TAF3: variants seen among roughly 807,000 people sequenced by gnomAD.
TAF3 encodes TATA-box binding protein associated factor 3, also known as transcription initiation factor TFIID subunit 3.
TAF3 carries 7 observed loss-of-function variants against 80.6 expected under a neutral mutation model. The ratio of observed to expected loss-of-function variants is 0.09; its 90% CI spans 0.05 to 0.16. The LOEUF (loss-of-function observed/expected upper bound fraction) is 0.16. Among genes scored for constraint, TAF3 ranks in the 10% least tolerant of loss-of-function variants. The probability of loss-of-function intolerance (pLI) is 1.00; values close to 1 mark genes in which losing one functional copy is unlikely to be tolerated. For missense variants in TAF3, 921 were observed against 1,140.2 expected (o/e 0.81, Z 2.77); for synonymous variants, 444 against 446.1 (o/e 1.00, Z 0.06).
intron 2 of TAF3, among the ~76,000 whole-genome samples, chr10:7,861,387 T>G (rs1382734626): frequency 6.6e-6 from 1 of 152,104 alleles, no homozygotes; most frequent in Non-Finnish European, 1.5e-5. Flanking sequence ...ATTACAAGCA[T>G]GAGCCACCGC....
intron 3 of TAF3, among the ~76,000 whole-genome samples, chr10:7,972,331 A>T (rs146177742): frequency 6.6e-6 from 1 of 152,224 alleles, no homozygotes; most frequent in Non-Finnish European, 1.5e-5. Context: ...TATGTATATT[A>T]TTAGCATCCT....
At chr10:7,837,620 G>A (rs553714049) in intron 2 of TAF3, among the ~76,000 whole-genome samples, 92 of 152,298 alleles carry the variant, frequency 6.0e-4, no homozygotes, top group African/African-American at 2.0e-3. Context: ...TCCAGCCTGG[G>A]CAAAAGAGCA....
At chr10:7,967,053 C>T (rs1477011771) in intron 3 of TAF3, among the ~76,000 whole-genome samples, 1 of 152,198 alleles carries the variant, frequency 6.6e-6, no homozygotes, top group Admixed American at 6.5e-5. Context: ...ACACCTGTGA[C>T]ATAGGTCCAG....
chr10:7,943,147 C>G (rs767649557), intron 2 of TAF3, among the ~76,000 whole-genome samples: 5 of 152,168 alleles, frequency 3.3e-5, no homozygotes, highest in Non-Finnish European at 5.9e-5. Flanking sequence ...CCTGTAGCTC[C>G]GTGAGACTCT....
chr10:7,928,194 C>G (rs1487246543), intron 2 of TAF3, among the ~76,000 whole-genome samples: 1 of 152,072 alleles, frequency 6.6e-6, no homozygotes, highest in African/African-American at 2.4e-5. Context: ...AAATACTACT[C>G]TTACTGTTTT....
At chr10:7,820,919 C>T (rs889672150) in intron 1 of TAF3, among the ~76,000 whole-genome samples, 4 of 152,194 alleles carry the variant, frequency 2.6e-5, no homozygotes, top group African/African-American at 9.7e-5. Flanking sequence ...CTGCAGTGGT[C>T]CTTGAGTATA....
At chr10:7,880,017 T>G (rs541810988) in intron 2 of TAF3, among the ~76,000 whole-genome samples, 2 of 152,110 alleles carry the variant, frequency 1.3e-5, no homozygotes, top group Non-Finnish European at 2.9e-5. Context: ...TGAGACCAGC[T>G]TGGGCATATG....
intron 2 of TAF3, among the ~76,000 whole-genome samples, chr10:7,889,640 C>T (rs1564357394): frequency 6.6e-6 from 1 of 152,200 alleles, no homozygotes; most frequent in Non-Finnish European, 1.5e-5. Context: ...TATTCAGTGG[C>T]TTACTGGGCA....
Position 7,953,925 on chromosome 10 carries a change from G to A in TAF3, c.410-9995G>A, listed in dbSNP as rs189142641. ...GAGTGCACTCCATAGGTGAATGAGC[G>A]GATTAGTCCTAGTTAACACAGAGCT... is the stretch of plus-strand genomic sequence containing the variant. On this transcript the variant is annotated intron_variant, in intron 2 of 6. Transcript: ENST00000344293. Among the ~76,000 whole-genome samples the A allele has an allele frequency of 4.3e-4, 62 of 144,316 alleles. 8 individuals are homozygous for A. Among genetic ancestry groups the A allele is most frequent in the African/African-American group, 1.2e-3 (50 of 40,228 alleles). 94.7% of individuals were successfully genotyped at this position (144,316 alleles called of 152,430 possible). A position where few individuals can be genotyped will look rare whatever the true frequency, so the allele number is the denominator to read the frequency against.
intron 2 of TAF3, among the ~76,000 whole-genome samples, chr10:7,883,859 G>A (rs757355514): frequency 4.6e-5 from 7 of 152,226 alleles, no homozygotes; most frequent in South Asian, 2.1e-4. Context: ...CAGTTGGGAA[G>A]TACAAGGTAG....
At chr10:7,876,843 A>C (rs972868025) in intron 2 of TAF3, among the ~76,000 whole-genome samples, 13 of 152,152 alleles carry the variant, frequency 8.5e-5, no homozygotes, top group Non-Finnish European at 2.9e-5. Context: ...AAACTTTGGG[A>C]AGTGCATGAT....
At chr10:7,862,015 G>C (rs1300636806) in intron 2 of TAF3, among the ~76,000 whole-genome samples, 2 of 151,968 alleles carry the variant, frequency 1.3e-5, no homozygotes, top group African/African-American at 2.4e-5. Flanking sequence ...CTTCCAATTT[G>C]ATAATTTATG....
At position 8,001,235 on chromosome 10, in the gene TAF3, C is replaced by G. The variant is rs968391252; in HGVS notation, c.2316-7843C>G. On this transcript the variant is annotated intron_variant, in intron 4 of 6. Transcript: ENST00000344293. ...CGTTTTTAAGTTTTCCATAATCATT[C>G]CAAATACTGGACCAACCATCTCTCC... 2.0e-5 allele frequency among the ~76,000 whole-genome samples: 3 copies of G among 152,194 alleles called. No individual in the cohort carries two copies. The East Asian group carries it at 5.8e-4, about 29-fold the overall frequency.
chr10:7,907,193 C>T (rs906644648), intron 2 of TAF3, among the ~76,000 whole-genome samples: 21 of 152,108 alleles, frequency 1.4e-4, no homozygotes, highest in African/African-American at 5.1e-4. Context: ...GGCACAGTCA[C>T]ACCTGTGTTG....
At chr10:7,882,897 C>T (rs2131156007) in intron 2 of TAF3, among the ~76,000 whole-genome samples, 1 of 152,274 alleles carries the variant, frequency 6.6e-6, no homozygotes, top group Non-Finnish European at 1.5e-5. Context: ...ACATCGTTTG[C>T]TTTTTCTGTG....
intron 2 of TAF3, among the ~76,000 whole-genome samples, chr10:7,842,156 TTTTTTTTGTTTTTTTTTTTG>T (rs1473539724): frequency 9.8e-5 from 12 of 123,000 alleles, no homozygotes; most frequent in Non-Finnish European, 1.5e-4. Context: ...ATATTGTTTT[TTTTTTTTGTTTTTTTTTTTG>T]TTTTTTTTTT....
At chr10:7,885,586 T>A (rs1432150677) in intron 2 of TAF3, among the ~76,000 whole-genome samples, 1 of 152,226 alleles carries the variant, frequency 6.6e-6, no homozygotes, top group Non-Finnish European at 1.5e-5. Flanking sequence ...TGCTTTATCC[T>A]TCCTGTCTCT....
chr10:7,833,527 A>C (rs536914008), intron 2 of TAF3: 1 of 152,176 alleles, frequency 6.6e-6, no homozygotes, highest in Non-Finnish European at 1.5e-5. Flanking sequence ...TTTTTATTGG[A>C]TTATTTCTTT....
chr10:7,973,566 C>T (rs995829828), intron 3 of TAF3, among the ~76,000 whole-genome samples: 1 of 152,192 alleles, frequency 6.6e-6, no homozygotes, highest in African/African-American at 2.4e-5. Context: ...AAAATGGTTT[C>T]TCCATATATG....
Sources: allele counts gnomAD v4.1 joint callset (sites outside exome capture counted in the v4.1 genomes callset), GRCh38; gene constraint gnomAD v4.1.1; transcripts MANE v1.5; gene names NCBI Gene and HGNC (gene_info 2026-07-23, HGNC 2026-07-21).